Variants in ZDHHC7 observed in about 807,000 individuals in gnomAD.
The protein encoded by ZDHHC7 is palmitoyltransferase ZDHHC7.
A neutral mutation model predicts 34.1 loss-of-function variants in ZDHHC7; 12 were observed. The observed-to-expected ratio is 0.35, with a 90% CI of 0.23 to 0.57. The LOEUF is 0.57. Among genes scored for constraint, ZDHHC7 ranks in the 20% least tolerant of loss-of-function variants. The pLI is 0.84. For synonymous variants in ZDHHC7, 185 were observed against 155.4 expected (o/e 1.19, Z -1.42); for missense variants, 388 against 402.7 (o/e 0.96, Z 0.31).
chr16:84,992,259 C>G (rs1191550888), intron 2 of ZDHHC7, among the ~76,000 whole-genome samples: 1 of 151,534 alleles, frequency 6.6e-6, no homozygotes, highest in Non-Finnish European at 1.5e-5. Flanking sequence ...CACGAGGTTA[C>G]AAGTTCAAGA....
chr16:85,023,763 C>T, the ZDHHC7 span, among the ~76,000 whole-genome samples: 1 of 151,904 alleles, frequency 6.6e-6, no homozygotes, highest in African/African-American at 2.4e-5. Context: ...GGACTACAGG[C>T]ATGCGCCACC....
At chr16:84,976,831 C>T (rs1452632058) in intron 7 of ZDHHC7, among the ~76,000 whole-genome samples, 1 of 152,230 alleles carries the variant, frequency 6.6e-6, no homozygotes, top group Non-Finnish European at 1.5e-5. Context: ...GCCCTAAAGG[C>T]AGTCAGTTCC....
chr16:84,994,857 T>C (rs761100906), intron 2 of ZDHHC7, among the ~76,000 whole-genome samples: 1 of 152,158 alleles, frequency 6.6e-6, no homozygotes, highest in Non-Finnish European at 1.5e-5. Flanking sequence ...CAAACGAATA[T>C]AGCAAAGTTA....
At chr16:85,016,061 C>A (rs868334459), upstream of ZDHHC7, among the ~76,000 whole-genome samples, 16 of 152,174 alleles carry the variant, frequency 1.1e-4, no homozygotes, top group South Asian at 8.3e-4. Flanking sequence ...TTCCACCCCC[C>A]CAACCACGTC....
intron 3 of ZDHHC7, among the ~76,000 whole-genome samples, chr16:84,984,407 C>A (rs938299545): frequency 1.3e-5 from 2 of 152,026 alleles, no homozygotes; most frequent in African/African-American, 2.4e-5. Context: ...GCATATATGC[C>A]CCAGGTGACA....
chr16:84,991,352 C>A (rs561184547), intron 2 of ZDHHC7, among the ~76,000 whole-genome samples: 1 of 152,248 alleles, frequency 6.6e-6, no homozygotes, highest in Admixed American at 6.5e-5. Flanking sequence ...GTGGTGCGAT[C>A]TTGGCTCACT....
At chr16:84,991,378 C>T (rs2072507561) in intron 2 of ZDHHC7, among the ~76,000 whole-genome samples, 2 of 151,942 alleles carry the variant, frequency 1.3e-5, no homozygotes, top group African/African-American at 4.8e-5. Flanking sequence ...CTCCGTCTCC[C>T]AGGTTCAAGT....
upstream of ZDHHC7, among the ~76,000 whole-genome samples, chr16:85,015,936 G>A (rs113313942): frequency 0.013 from 1,941 of 152,192 alleles, 42 homozygotes; most frequent in African/African-American, 0.045. Context: ...GGAATTTGGT[G>A]TCATATGACA....
upstream of ZDHHC7, among the ~76,000 whole-genome samples, chr16:85,011,906 G>A (rs2072799797): frequency 6.6e-6 from 1 of 152,174 alleles, no homozygotes; most frequent in African/African-American, 2.4e-5. Context: ...GTAAGGGAGC[G>A]GGAGTGGAAA....
the ZDHHC7 span, among the ~76,000 whole-genome samples, chr16:85,020,631 T>C: frequency 1.3e-5 from 2 of 151,880 alleles, no homozygotes; most frequent in African/African-American, 2.4e-5. Flanking sequence ...GAAAGGAGCA[T>C]GGATTCTTTA....
Position 84,977,195 on chromosome 16 carries a change from A to T in ZDHHC7, c.650T>A (p.Val217Glu), listed in dbSNP as rs775221791. 66 of 1,614,116 alleles carry T rather than the reference A, an allele frequency of 4.1e-5. No individual in the cohort carries two copies. Among genetic ancestry groups the T allele is most frequent in the Non-Finnish European group, 5.6e-5 (66 of 1,180,050 alleles). Residue 217 changes from valine to glutamate, a missense_variant, in exon 7 of 8, where the codon GTA becomes GAA. Coordinates refer to ENST00000313732, the MANE Select transcript of ZDHHC7 (RefSeq NM_017740.3). The part of the protein sequence containing the change: ...ECSDFSPPIT[V>E]ILLIFLCLEG... ...AAGGCACAGGAAGATCAACAGGATTACAGTTATCGGAGGTGAAAAATCACT... is the reference window on the plus strand; with the variant it reads ...AAGGCACAGGAAGATCAACAGGATTTCAGTTATCGGAGGTGAAAAATCACT...
At chr16:84,988,613 CG>C in intron 3 of ZDHHC7, 2 of 690,916 alleles carry the variant, frequency 2.9e-6, no homozygotes, top group East Asian at 2.8e-5. Context: ...GGAGCAGGAG[CG>C]GGGTGGGAGC....
At chr16:84,981,817 A>T in intron 4 of ZDHHC7, 53 bp downstream of exon 4, 1 of 1,612,100 alleles carries the variant, frequency 6.2e-7, no homozygotes. Flanking sequence ...ATACAGCAGC[A>T]CACGTACCCG....
intron 1 of ZDHHC7, among the ~76,000 whole-genome samples, chr16:85,001,925 A>AT (rs1555515655): frequency 1.5e-4 from 23 of 148,684 alleles, no homozygotes; most frequent in African/African-American, 5.1e-4. Context: ...AGGCAAAAAA[A>AT]ATAAATATAT....
At chr16:85,001,857 C>G (rs2072657154) in intron 1 of ZDHHC7, among the ~76,000 whole-genome samples, 1 of 152,036 alleles carries the variant, frequency 6.6e-6, no homozygotes, top group Admixed American at 6.6e-5. Flanking sequence ...TAGGTGTGAG[C>G]CACCACAGAT....
upstream of ZDHHC7, among the ~76,000 whole-genome samples, chr16:85,014,282 G>T (rs571628126): frequency 6.6e-6 from 1 of 152,336 alleles, no homozygotes; most frequent in East Asian, 1.9e-4. Context: ...ATGGAGTGTA[G>T]AAGTTTGGGG....
chr16:84,987,993 C>G (rs900794196), intron 3 of ZDHHC7, among the ~76,000 whole-genome samples: 3 of 152,154 alleles, frequency 2.0e-5, no homozygotes, highest in African/African-American at 7.2e-5. Context: ...CACGGTGAAA[C>G]CCCGTCTCTA....
chr16:85,006,927 C>G (rs1228864664), intron 1 of ZDHHC7, among the ~76,000 whole-genome samples: 1 of 150,850 alleles, frequency 6.6e-6, no homozygotes, highest in Non-Finnish European at 1.5e-5. Flanking sequence ...CCTGTTTCCT[C>G]CAATTAGAAT....
intron 1 of ZDHHC7, among the ~76,000 whole-genome samples, chr16:85,010,794 ATGAC>A (rs757810856): frequency 1.4e-4 from 21 of 152,258 alleles, no homozygotes; most frequent in Non-Finnish European, 3.1e-4. Context: ...ACACCCAAAG[ATGAC>A]TGACGTGGAG....
Sources: gnomAD v4.1 joint callset for allele counts (sites outside exome capture counted in the v4.1 genomes callset) on GRCh38, gnomAD v4.1.1 for gene constraint, MANE v1.5 for transcripts, NCBI Gene and HGNC (gene_info 2026-07-23, HGNC 2026-07-21) for gene names.